The following GRM8 variants were observed in gnomAD, a reference collection of about 807,000 sequenced individuals.
GRM8 encodes glutamate metabotropic receptor 8.
GRM8 carries 47 observed loss-of-function variants against 87.2 expected under a neutral mutation model. The ratio of observed to expected loss-of-function variants is 0.54; its 90% CI spans 0.43 to 0.69. The LOEUF (loss-of-function observed/expected upper bound fraction) is 0.69. Among genes scored for constraint, GRM8 ranks in the 30% least tolerant of loss-of-function variants. GRM8 has a pLI of 0.00. For missense variants in GRM8, 1,019 were observed against 1,139.2 expected, an observed-to-expected ratio of 0.89 and a Z score of 1.52; for synonymous variants, 396 against 404.5, an observed-to-expected ratio of 0.98 and a Z score of 0.25.
intron 6 of GRM8, among the ~76,000 whole-genome samples, chr7:126,892,187 C>A (rs187270636): frequency 3.8e-4 from 58 of 151,896 alleles, no homozygotes; most frequent in Non-Finnish European, 2.9e-5. Flanking sequence ...TACATGTGCA[C>A]AATGTGCAGG....
chr7:126,798,639 G>A (rs1037341243), intron 6 of GRM8, among the ~76,000 whole-genome samples: 4 of 152,120 alleles, frequency 2.6e-5, no homozygotes, highest in Admixed American at 6.5e-5. Flanking sequence ...GCCTAGTAGC[G>A]GGCCTTTGTA....
intron 9 of GRM8, among the ~76,000 whole-genome samples, chr7:126,472,087 G>A (rs1395849302): frequency 2.0e-5 from 3 of 152,080 alleles, no homozygotes; most frequent in Non-Finnish European, 2.9e-5. Context: ...GAGATTTTGG[G>A]CTGAGACAAT....
Position 126,538,253 on chromosome 7 carries a change from T to G in GRM8, c.1495-4366A>C, listed in dbSNP as rs1015911898. Among the ~76,000 whole-genome samples the G allele has an allele frequency of 2.0e-5, 3 of 152,238 alleles. No homozygotes were observed. In the East Asian group the frequency reaches 5.8e-4, roughly 29 times the overall value. On this transcript the variant is annotated intron_variant, in intron 8 of 10. Transcript: ENST00000339582. ...GGGTGAGTGTGCTTACATTTTTAAA[T>G]TTTCAATCTTTTCAGAAAAGTCAAC... is the stretch of plus-strand genomic sequence containing the variant.
At chr7:126,483,769 CTCCCTTCCT>C in intron 9 of GRM8, among the ~76,000 whole-genome samples, 1 of 139,462 alleles carries the variant, frequency 7.2e-6, no homozygotes, top group South Asian at 2.4e-4. Context: ...CCCTCCCTCC[CTCCCTTCCT>C]CCCCTCCTCC....
At chr7:127,147,789 T>C (rs1207061718) in intron 2 of GRM8, among the ~76,000 whole-genome samples, 1 of 152,070 alleles carries the variant, frequency 6.6e-6, no homozygotes. Flanking sequence ...TTTATGTTGT[T>C]TACCCAGAGA....
chr7:127,243,802 G>T (rs896633070), intron 1 of GRM8, among the ~76,000 whole-genome samples: 1 of 150,948 alleles, frequency 6.6e-6, no homozygotes, highest in Non-Finnish European at 1.5e-5. Context: ...TTATTTCCAT[G>T]AAGGTAAAAA....
intron 2 of GRM8, among the ~76,000 whole-genome samples, chr7:127,225,407 C>G (rs1343543925): frequency 6.6e-6 from 1 of 152,030 alleles, no homozygotes; most frequent in East Asian, 1.9e-4. Context: ...TGGAGTTTCC[C>G]TCCTGGGGGA....
intron 9 of GRM8, among the ~76,000 whole-genome samples, chr7:126,501,411 T>C (rs1809626978): frequency 6.6e-6 from 1 of 152,012 alleles, no homozygotes; most frequent in Admixed American, 6.6e-5. Flanking sequence ...ACTACTCATA[T>C]GATCCCAGCT....
intron 6 of GRM8, among the ~76,000 whole-genome samples, chr7:126,895,852 T>G (rs1801493655): frequency 6.6e-6 from 1 of 151,824 alleles, no homozygotes; most frequent in African/African-American, 2.4e-5. Context: ...TATAAAGGAT[T>G]AGGTAATAAC....
chr7:126,878,519 C>CTTTTTTT (rs35669727), intron 6 of GRM8, among the ~76,000 whole-genome samples: 7 of 131,056 alleles, frequency 5.3e-5, no homozygotes, highest in South Asian at 2.5e-4. Flanking sequence ...TCGTCTTCTT[C>CTTTTTTT]TTTTTTTTTT....
Position 126,493,608 on chromosome 7 carries a change from G to A in GRM8, c.2430+39344C>T, listed in dbSNP as rs942112628. 4.6e-5 allele frequency among the ~76,000 whole-genome samples: 7 copies of A among 152,122 alleles called. No individual in the cohort carries two copies. The East Asian group carries it at 5.9e-4, about 13-fold the overall frequency. ...TGCAATAGCACAGGTCTACAGCTGC[G>A]CTACCTTTGACTAACGCAGCCTCCC... On this transcript the variant is annotated intron_variant, in intron 9 of 10. Transcript: ENST00000339582.
intron 9 of GRM8, among the ~76,000 whole-genome samples, chr7:126,461,014 G>A: frequency 6.6e-6 from 1 of 151,450 alleles, no homozygotes; most frequent in South Asian, 2.1e-4. Flanking sequence ...TCTTTTTGAT[G>A]AGCATAGTGC....
At chr7:126,650,303 C>T (rs763249296) in intron 7 of GRM8, among the ~76,000 whole-genome samples, 9 of 152,178 alleles carry the variant, frequency 5.9e-5, no homozygotes, top group Non-Finnish European at 1.2e-4. Flanking sequence ...ACCCAGCCTG[C>T]ACCAATGGCC....
At chr7:127,074,763 A>T (rs138087613) in intron 3 of GRM8, among the ~76,000 whole-genome samples, 33 of 152,286 alleles carry the variant, frequency 2.2e-4, no homozygotes, top group African/African-American at 7.2e-4. Context: ...TTTAAAAGCT[A>T]GACTGATAAT....
chr7:126,684,672 C>T (rs1310425974), intron 7 of GRM8, among the ~76,000 whole-genome samples: 1 of 152,112 alleles, frequency 6.6e-6, no homozygotes, highest in South Asian at 2.1e-4. Flanking sequence ...CAGACAGGCT[C>T]AGGATTAAAT....
intron 3 of GRM8, among the ~76,000 whole-genome samples, chr7:126,998,764 CA>C (rs895330905): frequency 6.6e-6 from 1 of 150,758 alleles, no homozygotes; most frequent in South Asian, 2.1e-4. Flanking sequence ...ATTGAAGATA[CA>C]AAAAAAATGA....
chr7:126,894,100 A>C (rs1472563666), intron 6 of GRM8, among the ~76,000 whole-genome samples: 4 of 152,074 alleles, frequency 2.6e-5, no homozygotes, highest in Non-Finnish European at 5.9e-5. Flanking sequence ...AAAAGAGGAG[A>C]AATCAAGTTT....
intron 8 of GRM8, among the ~76,000 whole-genome samples, chr7:126,556,260 C>A (rs1399130389): frequency 3.3e-5 from 5 of 149,946 alleles, no homozygotes; most frequent in Non-Finnish European, 1.5e-5. Flanking sequence ...CATATTAGTA[C>A]CTACTATTGT....
intron 7 of GRM8, among the ~76,000 whole-genome samples, chr7:126,763,442 C>CATAT (rs750564318): frequency 0.02 from 2,363 of 119,594 alleles, 47 homozygotes; most frequent in Non-Finnish European, 0.025. Context: ...ATGATAAATT[C>CATAT]ATATATATAT....
Sources: allele counts gnomAD v4.1 joint callset (sites outside exome capture counted in the v4.1 genomes callset), GRCh38; gene constraint gnomAD v4.1.1; transcripts MANE v1.5; gene names NCBI Gene and HGNC (gene_info 2026-07-23, HGNC 2026-07-21).